Variants in MGST1 observed in about 807,000 individuals in gnomAD.
MGST1 encodes the protein glutathione S-transferase 12.
A neutral mutation model predicts 8.9 loss-of-function variants in MGST1; 5 were observed. The ratio of observed to expected loss-of-function variants is 0.56; its 90% CI spans 0.29 to 1.19. The LOEUF (loss-of-function observed/expected upper bound fraction) is 1.19. Among genes scored for constraint, MGST1 ranks in the 50% most tolerant of loss-of-function variants. The probability of loss-of-function intolerance (pLI) is 0.08; values close to 1 mark genes in which losing one functional copy is unlikely to be tolerated. For missense variants in MGST1, 182 were observed against 187.4 expected, an observed-to-expected ratio of 0.97 and a Z score of 0.17; for synonymous variants, 54 against 67.8, an observed-to-expected ratio of 0.80 and a Z score of 1.00.
chr12:16,485,884 G>T (rs1275218479), intron 4 of MGST1, among the ~76,000 whole-genome samples: 2 of 152,080 alleles, frequency 1.3e-5, no homozygotes, highest in Non-Finnish European at 2.9e-5. Flanking sequence ...ATTCAAAGAA[G>T]GTAGAAAAAA....
intron 4 of MGST1, among the ~76,000 whole-genome samples, chr12:16,511,865 T>A (rs980540456): frequency 6.6e-6 from 1 of 152,210 alleles, no homozygotes; most frequent in Non-Finnish European, 1.5e-5. Context: ...ATATCCACTC[T>A]GGACTAGCTG....
chr12:16,518,322 G>A (rs533338246), intron 4 of MGST1, among the ~76,000 whole-genome samples: 2 of 152,194 alleles, frequency 1.3e-5, no homozygotes, highest in East Asian at 1.9e-4. Context: ...TTCCTGATAT[G>A]TATGTGGCTT....
chr12:16,591,852 A>G (rs1943503944), downstream of MGST1, among the ~76,000 whole-genome samples: 1 of 152,060 alleles, frequency 6.6e-6, no homozygotes, highest in African/African-American at 2.4e-5. This position sits in a 1 kb window ranked among gnomAD's most constrained non-coding sequence, Gnocchi z 4.1. Flanking sequence ...TATGAAGTCC[A>G]GATACTTTAT....
At chr12:16,553,478 CGAGA>C (rs766432551) in intron 4 of MGST1, among the ~76,000 whole-genome samples, 21 of 152,098 alleles carry the variant, frequency 1.4e-4, no homozygotes, top group Admixed American at 2.0e-4. Flanking sequence ...AGAGGCAGAG[CGAGA>C]GAGAGACAGA....
chr12:16,360,064 T>C (rs547721184), intron 3 of MGST1, among the ~76,000 whole-genome samples: 1 of 152,322 alleles, frequency 6.6e-6, no homozygotes, highest in East Asian at 1.9e-4. Flanking sequence ...GTGCAGCGAC[T>C]GTGTGCACAG....
intron 3 of MGST1, among the ~76,000 whole-genome samples, chr12:16,374,030 G>T (rs559097882): frequency 6.6e-6 from 1 of 152,198 alleles, no homozygotes; most frequent in Non-Finnish European, 1.5e-5. Context: ...AGTCCCTTTG[G>T]TTGGAAAAGT....
intron 1 of MGST1, among the ~76,000 whole-genome samples, chr12:16,408,691 A>G (rs940948642): frequency 4.6e-5 from 7 of 152,138 alleles, no homozygotes; most frequent in African/African-American, 1.4e-4. Flanking sequence ...GAAAACTTTT[A>G]GCTATTAATT....
chr12:16,527,730 A>C (rs1941696299), intron 4 of MGST1, among the ~76,000 whole-genome samples: 1 of 152,030 alleles, frequency 6.6e-6, no homozygotes, highest in South Asian at 2.1e-4. Context: ...ATAAGTCATC[A>C]GGAAGCCATA....
At chr12:16,554,881 A>T (rs531135626) in intron 4 of MGST1, among the ~76,000 whole-genome samples, 1 of 151,984 alleles carries the variant, frequency 6.6e-6, no homozygotes, top group East Asian at 1.9e-4. Flanking sequence ...GATGGTCTCG[A>T]TCTCCCAACC....
At chr12:16,404,392 A>G (rs1291279731) in intron 1 of MGST1, among the ~76,000 whole-genome samples, 1 of 152,096 alleles carries the variant, frequency 6.6e-6, no homozygotes, top group Non-Finnish European at 1.5e-5. Context: ...CAATATGGCA[A>G]TCTTTGTCTT....
At chr12:16,566,421 A>C (rs549545438) in intron 4 of MGST1, among the ~76,000 whole-genome samples, 9 of 152,180 alleles carry the variant, frequency 5.9e-5, no homozygotes, top group African/African-American at 1.4e-4. Context: ...TCAACACACA[A>C]AAAAATGATA....
In MGST1 at chr12:16,537,210, G is replaced by T. The variant is rs138730391; in HGVS notation, n.483-52318G>T. ...TCCAAGTCTGAAATCCAGTGGGGCA[G>T]TCAAATTTTAAAGCTCCAAAATTAT... On this transcript the variant is annotated intron_variant and non_coding_transcript_variant, in intron 4 of 4. Coordinates refer to the MGST1 transcript ENST00000538857. The surrounding 1 kb of genome is among the most constrained non-coding windows in gnomAD (Gnocchi z 4.6). Among the ~76,000 whole-genome samples, 3 of 152,302 alleles carry T rather than the reference G, an allele frequency of 2.0e-5. No individual in the cohort carries two copies. The East Asian group carries it at 5.8e-4, about 29-fold the overall frequency.
downstream of MGST1, among the ~76,000 whole-genome samples, chr12:16,592,920 A>G (rs1331828127): frequency 2.0e-5 from 3 of 151,914 alleles, no homozygotes; most frequent in Non-Finnish European, 2.9e-5. Context: ...ATAAAAACAT[A>G]ACATTGTTCT....
At chr12:16,360,452 T>G (rs1295988122) in intron 3 of MGST1, 4 of 769,960 alleles carry the variant, frequency 5.2e-6, no homozygotes, top group Non-Finnish European at 6.3e-6. Flanking sequence ...AGGTAATATG[T>G]GTTGAAATAC....
chr12:16,485,519 A>C (rs1306773642), intron 4 of MGST1, among the ~76,000 whole-genome samples: 1 of 152,160 alleles, frequency 6.6e-6, no homozygotes, highest in Non-Finnish European at 1.5e-5. Flanking sequence ...ACTTTACCGA[A>C]TTTGAGGATT....
intron 4 of MGST1, among the ~76,000 whole-genome samples, chr12:16,524,045 T>G (rs1352091729): frequency 1.3e-5 from 2 of 152,136 alleles, no homozygotes; most frequent in African/African-American, 4.8e-5. Flanking sequence ...ATTTGCTTTG[T>G]AAACATTTCA....
At chr12:16,491,677 C>T (rs536294224) in intron 4 of MGST1, among the ~76,000 whole-genome samples, 138 of 152,264 alleles carry the variant, frequency 9.1e-4, no homozygotes, top group Non-Finnish European at 1.6e-3. Flanking sequence ...CAACATACAA[C>T]ATGTCATCAA....
At chr12:16,518,344 G>A (rs140495518) in intron 4 of MGST1, among the ~76,000 whole-genome samples, 27 of 152,234 alleles carry the variant, frequency 1.8e-4, no homozygotes, top group African/African-American at 6.3e-4. Flanking sequence ...TTCCTGTTCA[G>A]CATTCAGGCC....
downstream of MGST1, among the ~76,000 whole-genome samples, chr12:16,368,319 CA>C (rs995429786): frequency 6.6e-6 from 1 of 152,096 alleles, no homozygotes; most frequent in African/African-American, 2.4e-5. Context: ...ATAAAGAAAC[CA>C]AAAAGAAAGT....
Sources: allele counts gnomAD v4.1 joint callset (sites outside exome capture counted in the v4.1 genomes callset), GRCh38; gene constraint gnomAD v4.1.1; non-coding constraint Gnocchi (gnomAD v3.1); transcripts MANE v1.5; gene names NCBI Gene and HGNC (gene_info 2026-07-23, HGNC 2026-07-21).